RAD51B: variants seen among roughly 807,000 people sequenced by gnomAD.
RAD51B encodes RAD51 paralog B, also known as DNA repair protein RAD51 homolog 2.
RAD51B carries 38 observed loss-of-function variants against 42.2 expected under a neutral mutation model. The observed-to-expected ratio is 0.90, with a 90% CI of 0.70 to 1.18. The LOEUF (loss-of-function observed/expected upper bound fraction) is 1.18, where lower values mean the gene tolerates loss of function less well. Among genes scored for constraint, RAD51B ranks in the 50% most tolerant of loss-of-function variants. The pLI is 0.00. For missense variants in RAD51B, 373 were observed against 400.7 expected (o/e 0.93, Z 0.59); for synonymous variants, 154 against 145.2 (o/e 1.06, Z -0.43).
At chr14:68,371,030 C>CTA (rs1179061510) in intron 8 of RAD51B, among the ~76,000 whole-genome samples, 2 of 67,086 alleles carry the variant, frequency 3.0e-5, no homozygotes, top group Non-Finnish European at 5.3e-5. Context: ...GAGCAAGACT[C>CTA]TGTCTCAAAA....
chr14:68,386,726 A>G (rs1171737752), intron 8 of RAD51B, among the ~76,000 whole-genome samples: 2 of 152,186 alleles, frequency 1.3e-5, no homozygotes, highest in Non-Finnish European at 2.9e-5. Context: ...TCCTAATGGC[A>G]TTCAGTACCT....
At chr14:67,923,440 C>T (rs1478734103) in intron 7 of RAD51B, among the ~76,000 whole-genome samples, 1 of 151,714 alleles carries the variant, frequency 6.6e-6, no homozygotes, top group Non-Finnish European at 1.5e-5. Flanking sequence ...GCTGGGATTA[C>T]AGTCATGTGC....
At chr14:68,601,830 C>A (rs146925756) in intron 10 of RAD51B, among the ~76,000 whole-genome samples, 92 of 152,302 alleles carry the variant, frequency 6.0e-4, no homozygotes, top group Non-Finnish European at 1.2e-3. Flanking sequence ...CTGGTCACTA[C>A]CCCTCCTCAC....
intron 7 of RAD51B, among the ~76,000 whole-genome samples, chr14:68,117,498 ACT>A (rs2077570729): frequency 6.6e-6 from 1 of 152,016 alleles, no homozygotes; most frequent in Admixed American, 6.6e-5. Context: ...GTTCTCTGCC[ACT>A]CTGTTTTTTG....
intron 7 of RAD51B, among the ~76,000 whole-genome samples, chr14:68,123,038 G>A (rs906367599): frequency 1.3e-5 from 2 of 152,016 alleles, no homozygotes; most frequent in African/African-American, 4.8e-5. Context: ...TCCAGGGGGG[G>A]GTTTTGCTGT....
intron 10 of RAD51B, among the ~76,000 whole-genome samples, chr14:68,570,555 C>T (rs984092835): frequency 7.9e-5 from 12 of 152,176 alleles, no homozygotes; most frequent in Non-Finnish European, 1.8e-4. Context: ...AAAGGCATGG[C>T]CAGGTCCTAT....
intron 7 of RAD51B, among the ~76,000 whole-genome samples, chr14:67,980,890 A>G (rs1595199466): frequency 6.6e-6 from 1 of 152,238 alleles, no homozygotes; most frequent in African/African-American, 2.4e-5. Flanking sequence ...TAAGTTGAAC[A>G]TCATCAAAAT....
intron 7 of RAD51B, among the ~76,000 whole-genome samples, chr14:68,227,436 CTGT>C: frequency 6.6e-6 from 1 of 152,244 alleles, no homozygotes; most frequent in East Asian, 1.9e-4. Context: ...TTAATGCATT[CTGT>C]GAAATGGCAG....
chr14:68,641,295 G>A (rs923373469), intron 10 of RAD51B, among the ~76,000 whole-genome samples: 2 of 152,128 alleles, frequency 1.3e-5, no homozygotes, highest in African/African-American at 2.4e-5. Context: ...TGACATTTTT[G>A]TACTAACTTT....
At chr14:68,506,487 T>C (rs1207810168) in intron 10 of RAD51B, among the ~76,000 whole-genome samples, 2 of 152,210 alleles carry the variant, frequency 1.3e-5, no homozygotes, top group African/African-American at 4.8e-5. Flanking sequence ...GACCCAGGCC[T>C]GTCACAGCTG....
chr14:68,469,052 G>T lies in RAD51B; in HGVS notation c.1036+802G>T, dbSNP rs201925047. The T allele has an allele frequency of 3.4e-4, 168 of 491,714 alleles. 2 individuals carry two copies. Among genetic ancestry groups the T allele is most frequent in the South Asian group, 2.2e-3 (152 of 68,718 alleles). The allele number at this position is 491,714 out of a possible 1,614,324, so 30.5% of individuals were successfully genotyped here. A position where few individuals can be genotyped will look rare whatever the true frequency, so the allele number is the denominator to read the frequency against. On this transcript the variant is annotated intron_variant, in intron 10 of 10. Coordinates refer to ENST00000471583, the MANE Select transcript of RAD51B (RefSeq NM_133510.4). Reference sequence around the variant, plus strand: ...CTGCTTTGTGGATGAGGAAGGATCTGCACAGAAGTGCTCAGGATATACATC... The same window carrying T: ...CTGCTTTGTGGATGAGGAAGGATCTTCACAGAAGTGCTCAGGATATACATC...
At chr14:67,953,702 G>A (rs754603418) in intron 7 of RAD51B, among the ~76,000 whole-genome samples, 3 of 152,096 alleles carry the variant, frequency 2.0e-5, no homozygotes, top group Non-Finnish European at 2.9e-5. Flanking sequence ...AGACAGAATC[G>A]GTAGAACTGA....
intron 7 of RAD51B, among the ~76,000 whole-genome samples, chr14:68,079,621 A>C (rs1548264): frequency 0.27 from 41,013 of 152,058 alleles, 7,383 homozygotes; most frequent in African/African-American, 0.51. Context: ...CTAAATCTTT[A>C]TGTTGGTTTT....
downstream of RAD51B, among the ~76,000 whole-genome samples, chr14:68,614,425 T>C (rs1376350571): frequency 6.6e-6 from 1 of 152,212 alleles, no homozygotes; most frequent in East Asian, 1.9e-4. Context: ...TTTAGTATAT[T>C]CACAAAATTG....
intron 7 of RAD51B, among the ~76,000 whole-genome samples, chr14:68,238,583 G>T (rs1001458648): frequency 3.9e-5 from 6 of 152,150 alleles, no homozygotes; most frequent in African/African-American, 1.2e-4. Flanking sequence ...AGGATTACAG[G>T]CATGAGCCAC....
chr14:68,680,744 AG>A (rs1893410400), intron 11 of RAD51B, among the ~76,000 whole-genome samples: 1 of 152,170 alleles, frequency 6.6e-6, no homozygotes, highest in Non-Finnish European at 1.5e-5. Context: ...AGTCCAGTGG[AG>A]TGACTTAATG....
rs141689297 is a variant in RAD51B at position 68,061,243 on chromosome 14, A to G, written c.756+174039A>G. Among the ~76,000 whole-genome samples, 1,048 of 151,250 alleles carry G rather than the reference A, an allele frequency of 6.9e-3. 11 individuals carry two copies. The highest frequency in any genetic ancestry group is 0.024 in the African/African-American group (979 of 41,202). ...GCGCCACACCCAGCTAATTTTTTGTATTTTTAGTATAGATGGGGTTTCACT... is the reference window on the plus strand; with the variant it reads ...GCGCCACACCCAGCTAATTTTTTGTGTTTTTAGTATAGATGGGGTTTCACT... On this transcript the variant is annotated intron_variant, in intron 7 of 10. Coordinates refer to ENST00000471583, the MANE Select transcript of RAD51B (RefSeq NM_133510.4).
At chr14:68,209,079 T>C (rs2079650143) in intron 7 of RAD51B, among the ~76,000 whole-genome samples, 1 of 152,196 alleles carries the variant, frequency 6.6e-6, no homozygotes, top group East Asian at 1.9e-4. Context: ...TCATGATAGG[T>C]GACCCAGTTT....
At chr14:67,938,480 G>A (rs2045037612) in intron 7 of RAD51B, among the ~76,000 whole-genome samples, 1 of 152,180 alleles carries the variant, frequency 6.6e-6, no homozygotes, top group African/African-American at 2.4e-5. Context: ...GTAATCATGA[G>A]CATATTGCAT....
Sources: allele counts gnomAD v4.1 joint callset (sites outside exome capture counted in the v4.1 genomes callset), GRCh38; gene constraint gnomAD v4.1.1; transcripts MANE v1.5; gene names NCBI Gene and HGNC (gene_info 2026-07-23, HGNC 2026-07-21).